The following UGT8 variants were observed in gnomAD, a reference collection of about 807,000 sequenced individuals.
UGT8 encodes 2-hydroxyacylsphingosine 1-beta-galactosyltransferase.
A neutral mutation model predicts 40.5 loss-of-function variants in UGT8; 12 were observed. The ratio of observed to expected loss-of-function variants is 0.30; its 90% CI spans 0.19 to 0.48. The LOEUF (loss-of-function observed/expected upper bound fraction) is 0.48, where lower values mean the gene tolerates loss of function less well. Among genes scored for constraint, UGT8 ranks in the 20% least tolerant of loss-of-function variants. The pLI is 0.99. For synonymous variants in UGT8, 224 were observed against 240.4 expected, an observed-to-expected ratio of 0.93 and a Z score of 0.63; for missense variants, 513 against 648.7, an observed-to-expected ratio of 0.79 and a Z score of 2.27.
intron 5 of UGT8, among the ~76,000 whole-genome samples, chr4:114,669,758 A>G (rs1030092661): frequency 6.6e-6 from 1 of 152,212 alleles, no homozygotes; most frequent in Admixed American, 6.5e-5. Flanking sequence ...TATCATTCCC[A>G]AAAGTATGCA....
chr4:114,623,862 C>A, intron 2 of UGT8, 160 bp downstream of exon 2: 1 of 576,322 alleles, frequency 1.7e-6, no homozygotes, highest in Non-Finnish European at 2.2e-6. Flanking sequence ...TGTGGGTCCA[C>A]CACTTCCCTG....
chr4:114,617,673 A>G (rs1054480805), intron 1 of UGT8, among the ~76,000 whole-genome samples: 105 of 152,220 alleles, frequency 6.9e-4, no homozygotes, highest in African/African-American at 2.4e-3. Flanking sequence ...CTACTGTTAA[A>G]TGGAAGTCCA....
At position 114,653,147 on chromosome 4, in the gene UGT8, A is replaced by G. The variant is rs530809892; in HGVS notation, c.823-10848A>G. On this transcript the variant is annotated intron_variant, in intron 2 of 5. Transcript: ENST00000310836. ...GGAGTGAGATGAAGGAGAAAGGGTGATCAAGTTCCTAGTTTTCTAGTCTAT... is the reference window on the plus strand; with the variant it reads ...GGAGTGAGATGAAGGAGAAAGGGTGGTCAAGTTCCTAGTTTTCTAGTCTAT... Among the ~76,000 whole-genome samples the G allele has an allele frequency of 2.0e-5, 3 of 152,212 alleles. No individual in the cohort carries two copies. The East Asian group carries it at 5.8e-4, about 29-fold the overall frequency.
At chr4:114,602,547 T>G (rs1730502858) in intron 1 of UGT8, among the ~76,000 whole-genome samples, 1 of 152,352 alleles carries the variant, frequency 6.6e-6, no homozygotes, top group Admixed American at 6.5e-5. Flanking sequence ...ATTCAACAAA[T>G]ATTTGTTAAA....
chr4:114,634,067 A>T (rs2126107953), intron 2 of UGT8, among the ~76,000 whole-genome samples: 1 of 152,238 alleles, frequency 6.6e-6, no homozygotes, highest in Admixed American at 6.5e-5. Context: ...GGCTGCAGAG[A>T]TGGTGAGAAG....
chr4:114,612,619 G>A (rs10001078), intron 1 of UGT8, among the ~76,000 whole-genome samples: 7,762 of 152,030 alleles, frequency 0.051, 416 homozygotes, highest in African/African-American at 0.13. Context: ...TTTCCAGTAC[G>A]TTATTGGTAT....
chr4:114,623,226 C>T lies in UGT8; in HGVS notation c.346C>T (p.Leu116=), dbSNP rs992369290. Residue 116 remains leucine, a synonymous_variant, in exon 2 of 6, where the codon CTG becomes TTG. Coordinates refer to ENST00000310836, the MANE Select transcript of UGT8 (RefSeq NM_001128174.3). ...GGATCACTATACTAAGAACTGTGAC[C>T]TGATGGTTGGCAACCATGCCCTGAT... ...ILDHYTKNCD[L]MVGNHALIQG... 1.2e-6 allele frequency: 2 copies of T among 1,614,026 alleles called. No individual in the cohort carries two copies. The highest frequency in any genetic ancestry group is 2.7e-5 in the African/African-American group (2 of 74,888).
At chr4:114,617,887 T>G (rs1731538575) in intron 1 of UGT8, among the ~76,000 whole-genome samples, 1 of 152,180 alleles carries the variant, frequency 6.6e-6, no homozygotes, top group Admixed American at 6.5e-5. Context: ...GCTCCAGGGA[T>G]GTGCCAGCTG....
chr4:114,631,851 A>G (rs773516149), intron 2 of UGT8, among the ~76,000 whole-genome samples: 4 of 152,238 alleles, frequency 2.6e-5, no homozygotes, highest in Non-Finnish European at 5.9e-5. Flanking sequence ...ATTGCACCCA[A>G]ACAAATGGAT....
chr4:114,645,059 A>G (rs983609677), intron 2 of UGT8, among the ~76,000 whole-genome samples: 4 of 152,192 alleles, frequency 2.6e-5, no homozygotes, highest in African/African-American at 7.2e-5. Flanking sequence ...CTTCCTAACC[A>G]TCTTCAAGGT....
chr4:114,657,738 G>C (rs1253903980), intron 2 of UGT8, among the ~76,000 whole-genome samples: 1 of 150,752 alleles, frequency 6.6e-6, no homozygotes, highest in African/African-American at 2.4e-5. Context: ...TCCATAATCT[G>C]TGTATTACTT....
chr4:114,667,226 A>C (rs1405079769), intron 4 of UGT8, among the ~76,000 whole-genome samples: 1 of 152,068 alleles, frequency 6.6e-6, no homozygotes, highest in Non-Finnish European at 1.5e-5. Context: ...ATACATATTA[A>C]TTTTGTACCT....
At chr4:114,643,978 A>G (rs946237924) in intron 2 of UGT8, among the ~76,000 whole-genome samples, 1 of 152,124 alleles carries the variant, frequency 6.6e-6, no homozygotes, top group African/African-American at 2.4e-5. Flanking sequence ...CGTGTGAACA[A>G]TTGCAGCGCC....
chr4:114,657,949 G>A (rs1442776840), intron 2 of UGT8, among the ~76,000 whole-genome samples: 3 of 152,132 alleles, frequency 2.0e-5, no homozygotes, highest in African/African-American at 7.2e-5. Flanking sequence ...TTTGAAGCAA[G>A]CCTCTTGCCA....
upstream of UGT8, chr4:114,598,725 C>T (rs1320463181): frequency 2.0e-5 from 3 of 151,756 alleles, no homozygotes; most frequent in African/African-American, 7.3e-5. Flanking sequence ...GGCCTGGCCG[C>T]CCGCTGGGAG....
At chr4:114,631,401 C>T (rs546020640) in intron 2 of UGT8, among the ~76,000 whole-genome samples, 2 of 152,298 alleles carry the variant, frequency 1.3e-5, no homozygotes, top group South Asian at 2.1e-4. Flanking sequence ...ACAGGAGAAT[C>T]GCTTGAACCC....
intron 1 of UGT8, among the ~76,000 whole-genome samples, chr4:114,603,436 A>G (rs1435583283): frequency 6.6e-6 from 1 of 152,186 alleles, no homozygotes; most frequent in Non-Finnish European, 1.5e-5. Context: ...CCAAAAGTTA[A>G]TAGGGAAACA....
Position 114,622,837 on chromosome 4 carries a change from C to A in UGT8, c.-2-42C>A, listed in dbSNP as rs1300276276. On this transcript the variant is annotated intron_variant, in intron 1 of 5. Coordinates refer to ENST00000310836, the MANE Select transcript of UGT8 (RefSeq NM_001128174.3). The stretch of plus-strand genomic sequence containing the variant: ...GTGATTGCTTGTTTTGAATGGTGAG[C>A]ATTGTATTTTGTTTTAAGTTGTTTT... 2.6e-6 allele frequency: 4 copies of A among 1,513,680 alleles called. No individual in the cohort carries two copies. The South Asian group carries it at 3.8e-5, about 14-fold the overall frequency. The allele number at this position is 1,513,680 out of a possible 1,614,324, so 93.8% of individuals were successfully genotyped here.
intron 2 of UGT8, among the ~76,000 whole-genome samples, chr4:114,636,658 CTTT>C (rs960824221): frequency 5.3e-5 from 8 of 152,112 alleles, no homozygotes; most frequent in African/African-American, 1.9e-4. Flanking sequence ...TTTGATTTCT[CTTT>C]TTTTACTTTC....
Sources: allele counts gnomAD v4.1 joint callset (sites outside exome capture counted in the v4.1 genomes callset), GRCh38; gene constraint gnomAD v4.1.1; transcripts MANE v1.5; gene names NCBI Gene and HGNC (gene_info 2026-07-23, HGNC 2026-07-21).